Variants in KCNIP4 observed in about 807,000 individuals in gnomAD.
KCNIP4 encodes the protein Kv channel-interacting protein 4.
KCNIP4 carries 12 observed loss-of-function variants against 34.0 expected under a neutral mutation model. The ratio of observed to expected loss-of-function variants is 0.35; its 90% CI spans 0.23 to 0.57. KCNIP4 has a LOEUF of 0.57. KCNIP4 is among the 20% of genes least tolerant of loss of function. KCNIP4 has a pLI of 0.83. For synonymous variants in KCNIP4, 124 were observed against 102.2 expected (o/e 1.21, Z -1.29); for missense variants, 238 against 311.7 (o/e 0.76, Z 1.78).
chr4:21,832,859 C>T (rs1489060405), intron 1 of KCNIP4, among the ~76,000 whole-genome samples: 11 of 150,230 alleles, frequency 7.3e-5, no homozygotes, highest in South Asian at 6.4e-4. Context: ...TTTGTTCTTG[C>T]GATACTTTAC....
At chr4:21,430,662 T>C (rs1435693790) in intron 1 of KCNIP4, among the ~76,000 whole-genome samples, 1 of 152,074 alleles carries the variant, frequency 6.6e-6, no homozygotes, top group Non-Finnish European at 1.5e-5. Flanking sequence ...CTTTAATCCT[T>C]ACAATAGCCT....
intron 1 of KCNIP4, among the ~76,000 whole-genome samples, chr4:21,372,425 GATATAGATGTGT>G (rs71189696): frequency 0.27 from 38,788 of 145,822 alleles, 6,714 homozygotes; most frequent in Middle Eastern, 0.33. Context: ...TACAGATATA[GATATAGATGTGT>G]ATATATATGT....
intron 1 of KCNIP4, among the ~76,000 whole-genome samples, chr4:21,495,114 A>G (rs10020195): frequency 0.063 from 9,592 of 152,190 alleles, 763 homozygotes; most frequent in African/African-American, 0.18. Context: ...CTCCATATCC[A>G]TCCTTCTTTG....
chr4:20,775,125 G>T (rs765802224), intron 3 of KCNIP4, among the ~76,000 whole-genome samples: 1 of 152,116 alleles, frequency 6.6e-6, no homozygotes, highest in Non-Finnish European at 1.5e-5. Context: ...AAACAAAAGG[G>T]GAAAAGCAGA....
At chr4:21,426,807 T>A (rs1226691536) in intron 1 of KCNIP4, among the ~76,000 whole-genome samples, 1 of 152,184 alleles carries the variant, frequency 6.6e-6, no homozygotes, top group African/African-American at 2.4e-5. Flanking sequence ...TTTTTCTCCA[T>A]TGTTTCCAAA....
chr4:20,770,669 C>T (rs1170453685), intron 3 of KCNIP4, among the ~76,000 whole-genome samples: 1 of 152,118 alleles, frequency 6.6e-6, no homozygotes, highest in Non-Finnish European at 1.5e-5. Flanking sequence ...TGCAGTGGCT[C>T]GCGCCTGTAA....
chr4:20,779,051 A>T (rs1179233973), intron 3 of KCNIP4, among the ~76,000 whole-genome samples: 1 of 152,182 alleles, frequency 6.6e-6, no homozygotes, highest in African/African-American at 2.4e-5. Flanking sequence ...TCAAGATATC[A>T]TAGGAAGTGG....
At chr4:21,075,430 A>G (rs191156688) in intron 1 of KCNIP4, among the ~76,000 whole-genome samples, 173 of 152,076 alleles carry the variant, frequency 1.1e-3, no homozygotes, top group African/African-American at 4.0e-3. Flanking sequence ...GTTGGTTTAA[A>G]GTCTGTTTTA....
At position 21,390,797 on chromosome 4, in the gene KCNIP4, G is replaced by C. The variant is rs372904175; in HGVS notation, c.62-508088C>G. Among the ~76,000 whole-genome samples, 36 of 152,156 alleles carry C rather than the reference G, an allele frequency of 2.4e-4. No individual in the cohort carries two copies. In the East Asian group the frequency reaches 6.4e-3, roughly 27 times the overall value. On this transcript the variant is annotated intron_variant, in intron 1 of 8. Coordinates refer to ENST00000382152, the MANE Select transcript of KCNIP4 (RefSeq NM_025221.6). ...TCTTGGCAATGCGGGCCCTTTTTTG[G>C]TTCCATATGAACATACCTTGTGTAT...
chr4:21,279,501 A>G (rs560770284), intron 1 of KCNIP4, among the ~76,000 whole-genome samples: 1 of 144,618 alleles, frequency 6.9e-6, no homozygotes, highest in Non-Finnish European at 1.5e-5. Flanking sequence ...ATATATATAT[A>G]CATACATACA....
chr4:21,300,706 G>A (rs1157531167), intron 1 of KCNIP4, among the ~76,000 whole-genome samples: 1 of 152,026 alleles, frequency 6.6e-6, no homozygotes, highest in Admixed American at 6.6e-5. Flanking sequence ...TTTCCCTGAG[G>A]TATGATGAAT....
chr4:21,565,876 C>G (rs6825681), intron 1 of KCNIP4, among the ~76,000 whole-genome samples: 32,169 of 151,942 alleles, frequency 0.21, 3,668 homozygotes, highest in East Asian at 0.32. Flanking sequence ...TCTGCCAGAC[C>G]AAATCAAAGA....
chr4:21,743,124 A>G (rs1165991763), intron 1 of KCNIP4, among the ~76,000 whole-genome samples: 1 of 152,174 alleles, frequency 6.6e-6, no homozygotes, highest in Non-Finnish European at 1.5e-5. Flanking sequence ...ACTGTAATGA[A>G]TTATCACAAA....
At chr4:21,602,492 A>C (rs1227168257) in intron 1 of KCNIP4, among the ~76,000 whole-genome samples, 1 of 152,162 alleles carries the variant, frequency 6.6e-6, no homozygotes, top group Non-Finnish European at 1.5e-5. Context: ...GAGCCTTAAG[A>C]CTAATAAATA....
chr4:21,106,737 T>C (rs1234422227), intron 1 of KCNIP4, among the ~76,000 whole-genome samples: 4 of 151,568 alleles, frequency 2.6e-5, no homozygotes, highest in Non-Finnish European at 4.4e-5. Flanking sequence ...GGGCATTTAG[T>C]GCTATAAATT....
chr4:21,831,852 A>G (rs1443408615), intron 1 of KCNIP4, among the ~76,000 whole-genome samples: 1 of 152,108 alleles, frequency 6.6e-6, no homozygotes, highest in African/African-American at 2.4e-5. Flanking sequence ...ATACTGCAAG[A>G]AAAGAAAATT....
At chr4:20,765,456 G>A (rs554551757) in intron 3 of KCNIP4, among the ~76,000 whole-genome samples, 1 of 152,144 alleles carries the variant, frequency 6.6e-6, no homozygotes, top group African/African-American at 2.4e-5. Flanking sequence ...AATTTATTGT[G>A]CATTGTAGCT....
chr4:20,787,251 A>G (rs1224318636), intron 3 of KCNIP4, among the ~76,000 whole-genome samples: 1 of 152,210 alleles, frequency 6.6e-6, no homozygotes, highest in African/African-American at 2.4e-5. Context: ...TTTTACATCT[A>G]TAAATTCCCT....
At chr4:20,898,317 G>C (rs562064801) in intron 1 of KCNIP4, among the ~76,000 whole-genome samples, 2 of 152,060 alleles carry the variant, frequency 1.3e-5, no homozygotes, top group Admixed American at 6.6e-5. Context: ...TTCTCTCTTT[G>C]TATACATAGT....
Sources: gnomAD v4.1 joint callset for allele counts (sites outside exome capture counted in the v4.1 genomes callset) on GRCh38, gnomAD v4.1.1 for gene constraint, MANE v1.5 for transcripts, NCBI Gene and HGNC (gene_info 2026-07-23, HGNC 2026-07-21) for gene names.